MTG1: variants seen among roughly 807,000 people sequenced by gnomAD.
The protein encoded by MTG1 is mitochondrial ribosome associated GTPase 1.
Under a neutral mutation model 39.5 loss-of-function variants are expected in MTG1, and 30 were observed. The observed-to-expected ratio is 0.76, with a 90% CI of 0.57 to 1.03. The LOEUF is 1.03. Among genes scored for constraint, MTG1 ranks in the 50% least tolerant of loss-of-function variants. MTG1 has a pLI of 0.00. For missense variants in MTG1, 513 were observed against 447.4 expected, an observed-to-expected ratio of 1.15 and a Z score of -1.32; for synonymous variants, 217 against 179.0, an observed-to-expected ratio of 1.21 and a Z score of -1.69.
chr10:133,407,683 C>T (rs111768132), intron 9 of MTG1, among the ~76,000 whole-genome samples: 19 of 152,166 alleles, frequency 1.2e-4, no homozygotes, highest in African/African-American at 3.9e-4. Flanking sequence ...ATTCTCCTGC[C>T]TCAGCCTCCC....
Position 133,420,442 on chromosome 10 carries a change from T to G in MTG1, c.*277T>G. ...CTGCTCAGGCCTCTTGAGAAATGGA[T>G]GCTGTCTCAGAAGGAGTTAAAGCTA... On this transcript the variant is annotated 3_prime_UTR_variant, in exon 11 of 11. Coordinates refer to ENST00000317502, the MANE Select transcript of MTG1 (RefSeq NM_138384.4). 2.4e-6 allele frequency: 1 copy of G among 411,208 alleles called. No homozygotes were observed. The highest frequency in any genetic ancestry group is 8.0e-5 in the South Asian group (1 of 12,430). The allele number at this position is 411,208 out of a possible 1,614,324, so 25.5% of individuals were successfully genotyped here.
At chr10:133,399,394 G>A (rs1589909926) in intron 5 of MTG1, 135 bp from the exon 6 acceptor site, 7 of 1,186,914 alleles carry the variant, frequency 5.9e-6, no homozygotes, top group Middle Eastern at 2.4e-4. Context: ...CCGCTGGGTG[G>A]GCAGAGCCTC....
At chr10:133,400,902 T>G (rs1443459363) in intron 6 of MTG1, among the ~76,000 whole-genome samples, 1 of 152,252 alleles carries the variant, frequency 6.6e-6, no homozygotes, top group Non-Finnish European at 1.5e-5. Flanking sequence ...TTCGTCTGTG[T>G]TGTCCTGAGT....
intron 9 of MTG1, among the ~76,000 whole-genome samples, chr10:133,418,767 A>G (rs1850175115): frequency 6.6e-6 from 1 of 152,064 alleles, no homozygotes; most frequent in South Asian, 2.1e-4. Flanking sequence ...GCTGTCAGGA[A>G]GGTTGGGAGA....
chr10:133,413,302 T>C (rs1416378598), intron 9 of MTG1, among the ~76,000 whole-genome samples: 5 of 152,142 alleles, frequency 3.3e-5, no homozygotes, highest in Non-Finnish European at 7.4e-5. Flanking sequence ...TTAGTAGAGA[T>C]GGGGTTTCAC....
At chr10:133,397,439 C>T (rs1295290909) in intron 3 of MTG1, among the ~76,000 whole-genome samples, 1 of 143,586 alleles carries the variant, frequency 7.0e-6, no homozygotes, top group African/African-American at 2.8e-5. Context: ...GTCCCCCAGG[C>T]ACAGCTGTCT....
Position 133,399,404 on chromosome 10 carries a change from C to T in MTG1, c.421-125C>T, listed in dbSNP as rs537829805. 427 of 1,184,738 alleles carry T rather than the reference C, an allele frequency of 3.6e-4. 1 individual carries two copies. The highest frequency in any genetic ancestry group is 4.5e-4 in the Non-Finnish European group (366 of 809,608). The allele number at this position is 1,184,738 out of a possible 1,614,324, so 73.4% of individuals were successfully genotyped here. ...CGTCCCCGCTGGGTGGGCAGAGCCTCGGCGTTAACCTCCCTTCTTCCCTGA... is the reference window on the plus strand; with the variant it reads ...CGTCCCCGCTGGGTGGGCAGAGCCTTGGCGTTAACCTCCCTTCTTCCCTGA... On this transcript the variant is annotated intron_variant, in intron 5 of 10. Coordinates refer to ENST00000317502, the MANE Select transcript of MTG1 (RefSeq NM_138384.4).
chr10:133,401,247 GA>G lies in MTG1; in HGVS notation c.512-280del, dbSNP rs1849870156. Among the ~76,000 whole-genome samples the G allele has an allele frequency of 2.6e-5, 4 of 152,324 alleles. No individual in the cohort carries two copies. The South Asian group carries it at 8.3e-4, about 32-fold the overall frequency. ...GTTAGGTTCTGGTGCATTTGTTGAA[GA>G]ATCTCAGTCTCTGTGTGGCTTGGAA... is the stretch of plus-strand genomic sequence containing the variant. On this transcript the variant is annotated intron_variant, in intron 6 of 10. Transcript: ENST00000317502.
intron 9 of MTG1, among the ~76,000 whole-genome samples, chr10:133,418,470 T>C (rs1850169666): frequency 6.6e-6 from 1 of 151,910 alleles, no homozygotes; most frequent in Admixed American, 6.6e-5. Flanking sequence ...GGGCGCCTCC[T>C]CCAGGCTTGC....
At chr10:133,410,359 C>G (rs572029589) in intron 9 of MTG1, among the ~76,000 whole-genome samples, 19 of 152,260 alleles carry the variant, frequency 1.2e-4, no homozygotes, top group African/African-American at 4.6e-4. Context: ...GCCTGGCCTA[C>G]TCTATGTCTT....
At chr10:133,401,453 A>G in intron 6 of MTG1, 76 bp from the exon 7 acceptor site, 4 of 1,291,766 alleles carry the variant, frequency 3.1e-6, no homozygotes, top group South Asian at 1.5e-5. Flanking sequence ...TGTGTTTGTT[A>G]CATACGTCTC....
intron 2 of MTG1, 94 bp downstream of exon 2, chr10:133,395,871 G>A (rs1849774697): frequency 3.1e-6 from 4 of 1,309,900 alleles, no homozygotes; most frequent in South Asian, 1.2e-5. Flanking sequence ...TGAATTGCGA[G>A]GCCCCTTTCT....
intron 9 of MTG1, among the ~76,000 whole-genome samples, chr10:133,410,211 T>TTTTATTTA (rs541313997): frequency 1.3e-5 from 2 of 151,786 alleles, no homozygotes; most frequent in African/African-American, 4.8e-5. Flanking sequence ...CACCTGGCTG[T>TTTTATTTA]TTTATTTATT....
At chr10:133,419,943 T>C in intron 10 of MTG1, 83 bp from the exon 11 acceptor site, 6 of 1,478,470 alleles carry the variant, frequency 4.1e-6, no homozygotes, top group Non-Finnish European at 5.5e-6. Flanking sequence ...TGGAGCCTCT[T>C]AGGGCTGGTC....
chr10:133,419,666 A>AT, intron 10 of MTG1, 74 bp downstream of exon 10: 2 of 1,233,320 alleles, frequency 1.6e-6, no homozygotes, highest in Non-Finnish European at 2.3e-6. Context: ...TCCCTGGAGG[A>AT]GGCAGGGAGG....
rs1185227999 is a variant in MTG1, at chr10:133,419,520, G to T, written c.793G>T (p.Val265Leu). The change falls in exon 10 of 11, where the codon GTA (valine) becomes TTA (leucine). Residue 265 changes from valine (V) to leucine (L), a missense_variant. Val to Leu is a conservative substitution (Grantham distance 32). Transcript: ENST00000317502. Reference sequence around the variant, plus strand: ...CGGCCTGGGCAGTGCCTGTGACAACGTAGAGCGCGTGCTGAAGAGTGTGGC... The same window carrying T: ...CGGCCTGGGCAGTGCCTGTGACAACTTAGAGCGCGTGCTGAAGAGTGTGGC... ...HYGLGSACDN[V>L]ERVLKSVAVK... 6.2e-7 allele frequency: 1 copy of T among 1,609,224 alleles called. No individual in the cohort carries two copies. The highest frequency in any genetic ancestry group is 8.5e-7 in the Non-Finnish European group (1 of 1,178,182).
At position 133,416,952 on chromosome 10, in the gene MTG1, A is replaced by C. The variant is rs571357206; in HGVS notation, c.753-2528A>C. ...GATAGCTGGGTCAAATGGTATTTCC[A>C]GTTCTAGATCCCTGAGGAATCGCCA... On this transcript the variant is annotated intron_variant, in intron 9 of 10. Transcript: ENST00000317502. Among the ~76,000 whole-genome samples the C allele has an allele frequency of 8.4e-3, 1,284 of 151,960 alleles. 16 individuals are homozygous for C. The highest frequency in any genetic ancestry group is 0.029 in the African/African-American group (1,187 of 41,424).
rs552657091 is a variant in MTG1 at position 133,401,542 on chromosome 10, G to T, written c.525G>T (p.Arg175Ser). The T allele has an allele frequency of 6.3e-7, 1 of 1,587,510 alleles. No homozygotes were observed. Among genetic ancestry groups the T allele is most frequent in the Non-Finnish European group, 8.6e-7 (1 of 1,164,878 alleles). The change falls in exon 7 of 11, where the codon AGG (arginine) becomes AGT (serine). Residue 175 changes from arginine (R) to serine (S), a missense_variant. By Grantham distance (110) the Arg-to-Ser change is moderately radical. Coordinates refer to ENST00000317502, the MANE Select transcript of MTG1 (RefSeq NM_138384.4). ...RQHLRKGKAT[R>S]VGGEPGITRA... ...CTTTTCCTACAGGGAAAGCCACCAG[G>T]GTGGGTGGCGAGCCTGGGATCACCA... is the stretch of plus-strand genomic sequence containing the variant.
rs113840809 is a variant in MTG1 at position 133,399,630 on chromosome 10, G to T, written c.511+11G>T. On this transcript the variant is annotated intron_variant, in intron 6 of 10. Coordinates refer to ENST00000317502, the MANE Select transcript of MTG1 (RefSeq NM_138384.4). ...AGCACCTCAGGAAAGGTACTGGCGCGTGCGGCTGATCACCTCAGGAAAGGT... is the reference window on the plus strand; with the variant it reads ...AGCACCTCAGGAAAGGTACTGGCGCTTGCGGCTGATCACCTCAGGAAAGGT... 6 of 1,612,820 alleles carry T rather than the reference G, an allele frequency of 3.7e-6. No individual in the cohort carries two copies. The highest frequency in any genetic ancestry group is 5.1e-6 in the Non-Finnish European group (6 of 1,179,412).
Sources: gnomAD v4.1 joint callset for allele counts (sites outside exome capture counted in the v4.1 genomes callset) on GRCh38, gnomAD v4.1.1 for gene constraint, MANE v1.5 for transcripts, NCBI Gene and HGNC (gene_info 2026-07-23, HGNC 2026-07-21) for gene names.